Variants in COL23A1 observed in about 807,000 individuals in gnomAD.
COL23A1 encodes the protein collagen type XXIII alpha 1 chain, also known as collagen alpha-1(XXIII) chain.
COL23A1 carries 97 observed loss-of-function variants against 99.3 expected under a neutral mutation model. The ratio of observed to expected loss-of-function variants is 0.98; its 90% CI spans 0.83 to 1.16. The LOEUF (loss-of-function observed/expected upper bound fraction) is 1.16. COL23A1 is among the 50% of genes most tolerant of loss of function. The probability of loss-of-function intolerance (pLI) is 0.00; values close to 1 mark genes in which losing one functional copy is unlikely to be tolerated. For missense variants in COL23A1, 762 were observed against 757.4 expected, an observed-to-expected ratio of 1.01 and a Z score of -0.07; for synonymous variants, 320 against 308.2, an observed-to-expected ratio of 1.04 and a Z score of -0.40.
intron 2 of COL23A1, among the ~76,000 whole-genome samples, chr5:178,512,647 A>G (rs1759274748): frequency 6.6e-6 from 1 of 152,224 alleles, no homozygotes; most frequent in Admixed American, 6.5e-5. Context: ...GTCCCAGCTC[A>G]GAGAGAGGAC....
chr5:178,360,522 A>G (rs980282641), intron 2 of COL23A1, among the ~76,000 whole-genome samples: 1 of 152,146 alleles, frequency 6.6e-6, no homozygotes, highest in Admixed American at 6.5e-5. Context: ...CCCGGCAAAG[A>G]GCAGGAGAAC....
intron 5 of COL23A1, among the ~76,000 whole-genome samples, chr5:178,274,446 G>A (rs1408298538): frequency 1.3e-5 from 2 of 152,208 alleles, no homozygotes; most frequent in African/African-American, 4.8e-5. Flanking sequence ...GGCAGGGCAA[G>A]TGTCCAAGTG....
chr5:178,300,298 C>T (rs1757963456), intron 3 of COL23A1, among the ~76,000 whole-genome samples: 1 of 150,052 alleles, frequency 6.7e-6, no homozygotes, highest in Non-Finnish European at 1.5e-5. Flanking sequence ...GAACTCCTGA[C>T]CTTGTGATCC....
rs1469858593 is a variant in COL23A1, at chr5:178,504,309, C to CA, written c.361+56372dup. 9.9e-5 allele frequency among the ~76,000 whole-genome samples: 15 copies of CA among 152,088 alleles called. No individual in the cohort carries two copies. In the East Asian group the frequency reaches 2.9e-3, roughly 29 times the overall value. On this transcript the variant is annotated intron_variant, in intron 2 of 28. Transcript: ENST00000390654. ...TTAACTGCTCTGAGTTTTAAAATGC[C>CA]AATTAAAAAAAAACCTGCCTTCCCT...
At chr5:178,320,886 C>T (rs926259425) in intron 2 of COL23A1, among the ~76,000 whole-genome samples, 4 of 152,178 alleles carry the variant, frequency 2.6e-5, no homozygotes, top group Admixed American at 1.3e-4. Flanking sequence ...GTCGCATGGG[C>T]CCAGAGCTGG....
intron 2 of COL23A1, among the ~76,000 whole-genome samples, chr5:178,535,854 G>A (rs1362601017): frequency 1.3e-5 from 2 of 152,278 alleles, no homozygotes; most frequent in Non-Finnish European, 2.9e-5. Flanking sequence ...CTGAGGTCAG[G>A]CCCTATCTGC....
At chr5:178,249,934 T>G in intron 18 of COL23A1, 127 bp downstream of exon 18, 16 of 1,303,364 alleles carry the variant, frequency 1.2e-5, no homozygotes, top group Non-Finnish European at 1.7e-5. Context: ...ATCCATGATT[T>G]TTGATTTTCT....
chr5:178,482,649 T>C (rs764653414), intron 2 of COL23A1, among the ~76,000 whole-genome samples: 6 of 152,140 alleles, frequency 3.9e-5, no homozygotes, highest in Non-Finnish European at 7.3e-5. Flanking sequence ...ATCCCAGCAC[T>C]CTAAGAGGCC....
At chr5:178,305,554 C>T (rs1036773710) in intron 3 of COL23A1, among the ~76,000 whole-genome samples, 3 of 152,112 alleles carry the variant, frequency 2.0e-5, no homozygotes, top group African/African-American at 7.2e-5. Context: ...GAGTGTGGGG[C>T]GATACCTCTT....
intron 2 of COL23A1, among the ~76,000 whole-genome samples, chr5:178,532,819 C>T (rs1760722911): frequency 6.6e-6 from 1 of 152,160 alleles, no homozygotes; most frequent in Admixed American, 6.5e-5. Context: ...ACAAGAGCAG[C>T]TTCTCTTTCT....
chr5:178,272,280 G>T (rs1305691654), intron 5 of COL23A1, among the ~76,000 whole-genome samples: 1 of 152,224 alleles, frequency 6.6e-6, no homozygotes, highest in Non-Finnish European at 1.5e-5. Context: ...GAGGTAAGCT[G>T]CTGGCTTCCC....
intron 3 of COL23A1, among the ~76,000 whole-genome samples, chr5:178,292,238 TGCACCTGCCCTC>T (rs1757501226): frequency 6.9e-6 from 1 of 145,834 alleles, no homozygotes; most frequent in South Asian, 2.2e-4. Context: ...CACCTGCCCC[TGCACCTGCCCTC>T]CTCTCCATGC....
chr5:178,419,407 C>T (rs1010679683), intron 2 of COL23A1, among the ~76,000 whole-genome samples: 1 of 152,248 alleles, frequency 6.6e-6, no homozygotes, highest in Non-Finnish European at 1.5e-5. Flanking sequence ...CCGGTAACGA[C>T]AGTAAACACT....
intron 2 of COL23A1, among the ~76,000 whole-genome samples, chr5:178,461,549 TG>T (rs1756123495): frequency 6.6e-6 from 1 of 152,132 alleles, no homozygotes; most frequent in Non-Finnish European, 1.5e-5. Flanking sequence ...TAGATAACTG[TG>T]GGAATGCTTT....
chr5:178,507,539 G>A (rs774204085), intron 2 of COL23A1, among the ~76,000 whole-genome samples: 1 of 152,174 alleles, frequency 6.6e-6, no homozygotes, highest in Non-Finnish European at 1.5e-5. Context: ...GTGCATGGTC[G>A]ACAGTCAATA....
At chr5:178,358,239 T>C (rs1344077492) in intron 2 of COL23A1, among the ~76,000 whole-genome samples, 1 of 80,326 alleles carries the variant, frequency 1.2e-5, no homozygotes, top group East Asian at 1.1e-3. Flanking sequence ...TGTATGTGTG[T>C]ATGTGTATGT....
At chr5:178,504,464 T>C (rs1466252104) in intron 2 of COL23A1, among the ~76,000 whole-genome samples, 3 of 152,044 alleles carry the variant, frequency 2.0e-5, no homozygotes, top group Admixed American at 6.6e-5. Flanking sequence ...AGGCAACAGG[T>C]GGGACCCTCG....
intron 2 of COL23A1, among the ~76,000 whole-genome samples, chr5:178,355,732 C>T (rs1159343169): frequency 2.0e-5 from 3 of 152,086 alleles, no homozygotes; most frequent in African/African-American, 7.2e-5. Context: ...CCTCATGATC[C>T]GCCCGCCTCG....
At chr5:178,272,031 TG>T (rs1189355367) in intron 5 of COL23A1, among the ~76,000 whole-genome samples, 1 of 152,226 alleles carries the variant, frequency 6.6e-6, no homozygotes, top group Non-Finnish European at 1.5e-5. Context: ...CAGGGTCCTC[TG>T]TGGTTAGGGC....
Sources: gnomAD v4.1 joint callset for allele counts (sites outside exome capture counted in the v4.1 genomes callset) on GRCh38, gnomAD v4.1.1 for gene constraint, MANE v1.5 for transcripts, NCBI Gene and HGNC (gene_info 2026-07-23, HGNC 2026-07-21) for gene names.